TTN: variants seen among roughly 807,000 people sequenced by gnomAD.
The protein encoded by TTN is titin, also known as connectin.
A neutral mutation model predicts 3,223.0 loss-of-function variants in TTN; 1,525 were observed. The ratio of observed to expected loss-of-function variants is 0.47; its 90% CI spans 0.45 to 0.49. The LOEUF is 0.49. TTN is among the 20% of genes least tolerant of loss of function. The pLI is 0.00. For missense variants in TTN, 40,786 were observed against 43,424.0 expected, an observed-to-expected ratio of 0.94 and a Z score of 5.40; for synonymous variants, 14,094 against 15,161.0, an observed-to-expected ratio of 0.93 and a Z score of 5.17.
chr2:178,714,955 A>G, intron 90 of TTN, 31 bp downstream of exon 90: 1 of 1,577,330 alleles, frequency 6.3e-7, no homozygotes, highest in South Asian at 1.2e-5. Flanking sequence ...GAAGGGAAGT[A>G]GTGAGCAGAA....
rs2081142205 is a variant in TTN, at chr2:178,734,723, A to G, written c.15201T>C (p.Thr5067=). Residue 5067 remains threonine, a synonymous_variant, in exon 51 of 363, where the codon ACT becomes ACC. Coordinates refer to ENST00000589042, the MANE Select transcript of TTN (RefSeq NM_001267550.2). ...TAAACAAACCTTTGATAACTATTTC[A>G]GTACTGCAGCTATCACTGCCGACGT... is the stretch of plus-strand genomic sequence containing the variant. ...VNDVGSDSCS[T]EIVIKEPPSF... is the part of the protein sequence containing the mutation. 1.2e-6 allele frequency: 2 copies of G among 1,610,022 alleles called. No homozygotes were observed. The highest frequency in any genetic ancestry group is 8.5e-7 in the Non-Finnish European group (1 of 1,177,266).
At position 178,764,807 on chromosome 2, in the gene TTN, A is replaced by G. The variant is rs1354735473; in HGVS notation, c.9708T>C (p.Pro3236=). ...RSSVTLYVNA[P]EPPQVLQELQ... is the part of the protein sequence containing the mutation. ...GCTCCTGCAGAACTTGGGGCGGTTCAGGAGCTAGGAGTAAATGTTGACAAA... is the reference window on the plus strand; with the variant it reads ...GCTCCTGCAGAACTTGGGGCGGTTCGGGAGCTAGGAGTAAATGTTGACAAA... The change falls in exon 42 of 363, where the codon CCT becomes CCC. Residue 3236 remains proline (P), a synonymous_variant. Coordinates refer to ENST00000589042, the MANE Select transcript of TTN (RefSeq NM_001267550.2). 15 of 1,612,962 alleles carry G rather than the reference A, an allele frequency of 9.3e-6. No individual in the cohort carries two copies. The highest frequency in any genetic ancestry group is 1.3e-5 in the Non-Finnish European group (15 of 1,179,844).
In TTN at chr2:178,734,959, G is replaced by A. The variant is rs80003323; in HGVS notation, c.14965C>T (p.Pro4989Ser). ...EPPSFVKKVD[P>S]SYLMLPGESA... ...TCACCTGGGAGCATTAAATAAGAGG[G>A]ATCCACCTTCTTCACGAAGGATGGT... The change falls in exon 51 of 363, where the codon CCC becomes TCC. Residue 4989 changes from proline (P) to serine (S), a missense_variant. Pro to Ser is a moderately conservative substitution (Grantham distance 74). Transcript: ENST00000589042. The A allele has an allele frequency of 6.3e-6, 10 of 1,596,856 alleles. No individual in the cohort carries two copies. The highest frequency in any genetic ancestry group is 8.5e-6 in the Non-Finnish European group (10 of 1,169,876).
chr2:178,550,249 G>A lies in TTN; in HGVS notation c.91589C>T (p.Pro30530Leu), dbSNP rs200875379. ...AATAATGAGACCATCAAAGTATTCA[G>A]GGCCAAACTCTACTATTGGTGGAAC... ...ENVPPIVEFG[P>L]EYFDGLIIKS... The change falls in exon 337 of 363, where the codon CCT becomes CTT. Residue 30530 changes from proline (P) to leucine (L), a missense_variant. Pro to Leu is a moderately conservative substitution (Grantham distance 98). Coordinates refer to ENST00000589042, the MANE Select transcript of TTN (RefSeq NM_001267550.2). 1.8e-4 allele frequency: 289 copies of A among 1,611,872 alleles called. 1 individual carries two copies. The African/African-American group carries it at 3.5e-3, about 19-fold the overall frequency.
Position 178,635,234 on chromosome 2 carries a change from A to T in TTN, c.41955T>A (p.Asp13985Glu). 1 of 1,613,382 alleles carries T rather than the reference A, an allele frequency of 6.2e-7. No homozygotes were observed. The highest frequency in any genetic ancestry group is 8.5e-7 in the Non-Finnish European group (1 of 1,179,534). Residue 13985 changes from aspartate (D) to glutamate (E), a missense_variant, in exon 228 of 363, where the codon GAT (aspartate) becomes GAA (glutamate). Transcript: ENST00000589042. ...TIYEKESASF[D>E]AEISEADIPG... ...GAATGTCTGCCTCTGAGATTTCTGC[A>T]TCAAAGCTTGCACTTTCTTTCTCAT...
At chr2:178,790,593 A>C in intron 11 of TTN, 115 bp downstream of exon 11, 3 of 1,532,656 alleles carry the variant, frequency 2.0e-6, no homozygotes, top group Admixed American at 1.7e-5. Flanking sequence ...TTCTATTTGC[A>C]TTATAAGAAG....
At position 178,632,409 on chromosome 2, in the gene TTN, G is replaced by A; in HGVS notation, c.43485C>T (p.Ile14495=). The A allele has an allele frequency of 6.3e-7, 1 of 1,579,124 alleles. No individual in the cohort carries two copies. Among genetic ancestry groups the A allele is most frequent in the East Asian group, 2.3e-5 (1 of 44,154 alleles). ...TGAGAGGGGTGAGGAATTTGAGCCG[G>A]ATTCCTATCAAGAAAAAAAAGAAAG... The part of the protein sequence containing the change: ...HTSGKLIIEG[I]RLKFLTPLKD... Residue 14495 remains isoleucine, a synonymous_variant, in exon 236 of 363, where the codon ATC becomes ATT. Transcript: ENST00000589042.
At chr2:178,675,311 G>A (rs558751281) in intron 149 of TTN, 198 bp from the exon 150 acceptor site, 34 of 402,340 alleles carry the variant, frequency 8.5e-5, no homozygotes, top group Admixed American at 7.3e-4. Flanking sequence ...TTATTAAAGA[G>A]AAATTCTACT....
At position 178,634,515 on chromosome 2, in the gene TTN, G is replaced by T. The variant is rs201340186; in HGVS notation, c.42266C>A (p.Pro14089His). 7 of 1,613,062 alleles carry T rather than the reference G, an allele frequency of 4.3e-6. No individual in the cohort carries two copies. Among genetic ancestry groups the T allele is most frequent in the Non-Finnish European group, 1.7e-6 (2 of 1,179,508 alleles). Residue 14089 changes from proline (P) to histidine (H), a missense_variant, in exon 230 of 363, where the codon CCT (proline) becomes CAT (histidine). Coordinates refer to ENST00000589042, the MANE Select transcript of TTN (RefSeq NM_001267550.2). The surrounding 1 kb of genome is among the most constrained non-coding windows in gnomAD (Gnocchi z 4.6). ...TTTGTCAGATGACTTAATTATATCA[G>T]GTCCTTTGGACCATATAACATTTGC... Reference protein sequence around the residue: ...REANVIWSKGPDIIKSSDKFD... With the variant: ...REANVIWSKGHDIIKSSDKFD...
intron 236 of TTN, 114 bp downstream of exon 236, chr2:178,632,033 G>A (rs2059869324): frequency 2.4e-5 from 27 of 1,106,046 alleles, no homozygotes; most frequent in Non-Finnish European, 3.2e-5. Flanking sequence ...GCTTCTTAAG[G>A]AGTTGGGCTG....
At chr2:178,620,693 T>A in intron 247 of TTN, 22 bp downstream of exon 247, 1 of 1,609,048 alleles carries the variant, frequency 6.2e-7, no homozygotes, top group Non-Finnish European at 8.5e-7. Context: ...AAAAAATCTC[T>A]AGTGGTATAT....
chr2:178,649,461 A>T (rs1343994974), intron 212 of TTN, 93 bp downstream of exon 212: 1 of 1,393,824 alleles, frequency 7.2e-7, no homozygotes, highest in African/African-American at 1.5e-5. Flanking sequence ...TTTTGTCCTT[A>T]GTTATGCAAC....
chr2:178,617,922 G>C lies in TTN; in HGVS notation c.47429C>G (p.Thr15810Ser). Reference sequence around the variant, plus strand: ...TGCAGACAGGTCTTCAGCTCTCACAGTCATGGCAGTATCCCACCTGATAGA... The same window carrying C: ...TGCAGACAGGTCTTCAGCTCTCACACTCATGGCAGTATCCCACCTGATAGA... ...KTSIRWDTAM[T>S]VRAEDLSATV... The change falls in exon 253 of 363, where the codon ACT becomes AGT. Residue 15810 changes from threonine (T) to serine (S), a missense_variant. Coordinates refer to ENST00000589042, the MANE Select transcript of TTN (RefSeq NM_001267550.2). 1 of 1,612,670 alleles carries C rather than the reference G, an allele frequency of 6.2e-7. No individual in the cohort carries two copies. Among genetic ancestry groups the C allele is most frequent in the Non-Finnish European group, 8.5e-7 (1 of 1,179,096 alleles).
At position 178,728,154 on chromosome 2, in the gene TTN, T is replaced by C. The variant is rs764245160; in HGVS notation, c.19670A>G (p.Asn6557Ser). The change falls in exon 67 of 363, where the codon AAT becomes AGT. Residue 6557 changes from asparagine to serine, a missense_variant. Coordinates refer to ENST00000589042, the MANE Select transcript of TTN (RefSeq NM_001267550.2). ...ACTGCATGCATCATCTCCTGCTACA[T>C]TTGACACTTTGCATGTGTAATTTGC... Reference protein sequence around the residue: ...DTANYTCKVSNVAGDDACSGI... With the variant: ...DTANYTCKVSSVAGDDACSGI... The C allele has an allele frequency of 3.1e-6, 5 of 1,607,940 alleles. No homozygotes were observed. The highest frequency in any genetic ancestry group is 4.3e-6 in the Non-Finnish European group (5 of 1,176,464).
chr2:178,589,797 C>T lies in TTN; in HGVS notation c.61928G>A (p.Cys20643Tyr), dbSNP rs879181408. 6.2e-6 allele frequency: 10 copies of T among 1,613,468 alleles called. No homozygotes were observed. Among genetic ancestry groups the T allele is most frequent in the African/African-American group, 1.3e-5 (1 of 74,898 alleles). Residue 20643 changes from cysteine (C) to tyrosine (Y), a missense_variant, in exon 304 of 363, where the codon TGT (cysteine) becomes TAT (tyrosine). By Grantham distance (194) the Cys-to-Tyr change is radical (BLOSUM62 -2). Transcript: ENST00000589042. ...LANNEYYFRV[C>Y]AENKVGVGPT... ...CCCAACACCTACTTTATTCTCTGCA[C>T]AAACTCGGAAATAGTATTCATTGTT...
Position 178,753,564 on chromosome 2 carries a change from C to T in TTN, c.11255-384G>A, listed in dbSNP as rs75578379. 178 of 166,886 alleles carry T rather than the reference C, an allele frequency of 1.1e-3. 2 individuals are homozygous for T. In the East Asian group the frequency reaches 0.022, roughly 20 times the overall value. 10.3% of individuals were successfully genotyped at this position (166,886 alleles called of 1,614,324 possible). On this transcript the variant is annotated intron_variant, in intron 46 of 362. Coordinates refer to ENST00000589042, the MANE Select transcript of TTN (RefSeq NM_001267550.2). ...GAAAGAACATGCATTTTCTAAATTG[C>T]TACTTTAGCAGAGGGCTATTCTCAG... is the stretch of plus-strand genomic sequence containing the variant.
At position 178,633,032 on chromosome 2, in the gene TTN, T is replaced by C. The variant is rs1243151462; in HGVS notation, c.43099A>G (p.Ile14367Val). 5.0e-6 allele frequency: 8 copies of C among 1,612,980 alleles called. No individual in the cohort carries two copies. Among genetic ancestry groups the C allele is most frequent in the South Asian group, 1.1e-5 (1 of 91,026 alleles). ...AGAATATGCTTCTTTCCATCCTCAATGATTTCACAGTCCTGTTTGGAGTGA... is the reference window on the plus strand; with the variant it reads ...AGAATATGCTTCTTTCCATCCTCAACGATTTCACAGTCCTGTTTGGAGTGA... ...PLTASPDCEIIEDGKKHILIL... is the reference protein window; with the variant it reads ...PLTASPDCEIVEDGKKHILIL... Residue 14367 changes from isoleucine to valine, a missense_variant, in exon 234 of 363, where the codon ATT becomes GTT. Ile to Val is a conservative substitution (Grantham distance 29, BLOSUM62 3). Transcript: ENST00000589042.
chr2:178,731,276 C>T lies in TTN; in HGVS notation c.17461+29G>A, dbSNP rs1403635600. The T allele has an allele frequency of 3.1e-6, 5 of 1,611,478 alleles. No homozygotes were observed. The African/African-American group carries it at 6.7e-5, about 22-fold the overall frequency. ...AAGGCTTACATCTGCATTTCTTCCTCAAACCCAAGGCAAACGTTCTGAACC... is the reference window on the plus strand; with the variant it reads ...AAGGCTTACATCTGCATTTCTTCCTTAAACCCAAGGCAAACGTTCTGAACC... On this transcript the variant is annotated intron_variant, in intron 59 of 362. Coordinates refer to ENST00000589042, the MANE Select transcript of TTN (RefSeq NM_001267550.2).
Position 178,598,784 on chromosome 2 carries a change from G to T in TTN, c.56926C>A (p.Leu18976Met), listed in dbSNP as rs1333698664. 1.2e-6 allele frequency: 2 copies of T among 1,613,400 alleles called. No homozygotes were observed. Among genetic ancestry groups the T allele is most frequent in the South Asian group, 2.2e-5 (2 of 91,050 alleles). The part of the protein sequence containing the change: ...INAAGVGPAS[L>M]PSDPATARDP... ...CTAGCAGTCGCTGGGTCTGATGGCA[G>T]ACTTGCTGGACCCACGCCAGCAGCA... Residue 18976 changes from leucine (L) to methionine (M), a missense_variant, in exon 291 of 363, where the codon CTG becomes ATG. Physicochemically the swap from Leu to Met is conservative, Grantham distance 15 (BLOSUM62 2). Coordinates refer to ENST00000589042, the MANE Select transcript of TTN (RefSeq NM_001267550.2).
Sources: allele counts gnomAD v4.1 joint callset, GRCh38; gene constraint gnomAD v4.1.1; non-coding constraint Gnocchi (gnomAD v3.1); transcripts MANE v1.5; gene names NCBI Gene and HGNC (gene_info 2026-07-23, HGNC 2026-07-21).